JAM2: variants seen among roughly 807,000 people sequenced by gnomAD.
The protein encoded by JAM2 is junctional adhesion molecule 2.
A neutral mutation model predicts 42.0 loss-of-function variants in JAM2; 17 were observed. That is an observed-to-expected ratio of 0.40 (90% CI 0.28 to 0.61). The LOEUF is 0.61. Ranked by LOEUF, JAM2 falls within the 20% of genes least tolerant of loss-of-function variation. JAM2 has a pLI of 0.37. For synonymous variants in JAM2, 118 were observed against 128.6 expected (o/e 0.92, Z 0.56); for missense variants, 319 against 358.3 (o/e 0.89, Z 0.89).
Position 25,717,071 on chromosome 21 carries a change from A to G in JAM2, c.*2399A>G, listed in dbSNP as rs1193200577. The G allele has an allele frequency of 2.0e-5, 3 of 152,284 alleles. No homozygotes were observed. The highest frequency in any genetic ancestry group is 2.0e-4 in the Admixed American group (3 of 15,292). The allele number at this position is 152,284 out of a possible 1,614,324, so 9.4% of individuals were successfully genotyped here. On this transcript the variant is annotated 3_prime_UTR_variant, in exon 10 of 10. Transcript: ENST00000480456. ...AGAGGATTCATTTTATGCAGTGCGA[A>G]CATCTAATAACACTCTCTGTGTCAA...
intron 1 of JAM2, among the ~76,000 whole-genome samples, chr21:25,679,694 C>T (rs1384214936): frequency 1.3e-5 from 2 of 152,250 alleles, no homozygotes; most frequent in Non-Finnish European, 2.9e-5. Flanking sequence ...AGATCAGCCT[C>T]TTAGCTTCCA....
chr21:25,639,599 G>GACC lies in JAM2; in HGVS notation c.-222_-220dup. 2.0e-6 allele frequency: 1 copy of GACC among 498,610 alleles called. No homozygotes were observed. Among genetic ancestry groups the GACC allele is most frequent in the South Asian group, 2.8e-5 (1 of 35,994 alleles). The allele number at this position is 498,610 out of a possible 1,614,324, so 30.9% of individuals were successfully genotyped here. A position where few individuals can be genotyped will look rare whatever the true frequency, so the allele number is the denominator to read the frequency against. On this transcript the variant is annotated 5_prime_UTR_variant, in exon 1 of 10. Transcript: ENST00000480456. ...ACCCCCACACCCCCAAAACAGAACA[G>GACC]ACCCCCATCCCTGGGCTGGAGGACC... is the stretch of plus-strand genomic sequence containing the variant.
chr21:25,711,770 C>T (rs1342574289), intron 8 of JAM2, among the ~76,000 whole-genome samples: 2 of 152,166 alleles, frequency 1.3e-5, no homozygotes, highest in African/African-American at 4.8e-5. Context: ...GAGACATCAT[C>T]TTACGTAAGT....
intron 2 of JAM2, among the ~76,000 whole-genome samples, chr21:25,688,287 C>T (rs2033798719): frequency 1.5e-5 from 2 of 133,618 alleles, no homozygotes; most frequent in African/African-American, 2.6e-5. Context: ...TGTGTACACG[C>T]GCCCACACGC....
At chr21:25,705,844 C>T in intron 6 of JAM2, 135 bp from the exon 7 acceptor site, 2 of 602,928 alleles carry the variant, frequency 3.3e-6, no homozygotes, top group Non-Finnish European at 6.0e-6. Context: ...GTTAGTTGAA[C>T]AGGCTTCACA....
intron 1 of JAM2, among the ~76,000 whole-genome samples, chr21:25,680,496 T>A (rs1601026948): frequency 6.6e-6 from 1 of 152,204 alleles, no homozygotes; most frequent in East Asian, 1.9e-4. Flanking sequence ...AGTGGCCACA[T>A]GGAATGTGAT....
At chr21:25,712,288 C>A in intron 8 of JAM2, 52 bp from the exon 9 acceptor site, 1 of 1,209,612 alleles carries the variant, frequency 8.3e-7, no homozygotes, top group Non-Finnish European at 1.2e-6. Context: ...ATATATGTTC[C>A]AGATTGGAAG....
At chr21:25,657,823 G>A (rs1470215126) in intron 1 of JAM2, among the ~76,000 whole-genome samples, 3 of 152,138 alleles carry the variant, frequency 2.0e-5, no homozygotes, top group Admixed American at 2.0e-4. Context: ...TATGTTATAT[G>A]TAGCTAAGAA....
At chr21:25,651,792 A>G (rs1280072955) in intron 1 of JAM2, among the ~76,000 whole-genome samples, 1 of 152,250 alleles carries the variant, frequency 6.6e-6, no homozygotes, top group Admixed American at 6.5e-5. Flanking sequence ...CACTGTAGCG[A>G]TATAAAGGAA....
chr21:25,685,901 G>A (rs951727521), intron 2 of JAM2, among the ~76,000 whole-genome samples: 3 of 152,214 alleles, frequency 2.0e-5, no homozygotes, highest in Non-Finnish European at 1.5e-5. Flanking sequence ...GGTTCTTAAT[G>A]CTGGGTCCAA....
At chr21:25,702,368 G>T in intron 6 of JAM2, 99 bp downstream of exon 6, 1 of 605,574 alleles carries the variant, frequency 1.7e-6, no homozygotes. Flanking sequence ...ATGTCTGAGT[G>T]ACTTGAAGAA....
chr21:25,685,077 G>A (rs1288381903), intron 2 of JAM2, among the ~76,000 whole-genome samples: 3 of 152,048 alleles, frequency 2.0e-5, no homozygotes, highest in Non-Finnish European at 1.5e-5. Context: ...CTCATCATCA[G>A]GTATGTCTTA....
rs375282641 is a variant in JAM2, at chr21:25,695,187, G to C, written c.394+1279G>C. On this transcript the variant is annotated intron_variant, in intron 4 of 9. Coordinates refer to ENST00000480456, the MANE Select transcript of JAM2 (RefSeq NM_021219.4). The stretch of plus-strand genomic sequence containing the variant: ...ATTAGGGAGTGGTGATGACTCTTAA[G>C]GAGCATGCTGCCTTCAAGCATCTGT... Among the ~76,000 whole-genome samples the C allele has an allele frequency of 3.6e-4, 55 of 152,180 alleles. 1 individual carries two copies. The highest frequency in any genetic ancestry group is 1.2e-3 in the African/African-American group (50 of 41,538).
Position 25,639,280 on chromosome 21 carries a change from A to G in JAM2, c.-542A>G, listed in dbSNP as rs1222326624. 1.3e-5 allele frequency: 2 copies of G among 152,532 alleles called. No individual in the cohort carries two copies. Among genetic ancestry groups the G allele is most frequent in the Non-Finnish European group, 2.9e-5 (2 of 68,300 alleles). The allele number at this position is 152,532 out of a possible 1,614,324, so 9.4% of individuals were successfully genotyped here. ...GCCAGAAAGAAGTTTTGAGCCAACG[A>G]GGGGAAGAAAGGAGTTGGGGCAAAA... On this transcript the variant is annotated 5_prime_UTR_variant, in exon 1 of 10. Coordinates refer to ENST00000480456, the MANE Select transcript of JAM2 (RefSeq NM_021219.4).
intron 1 of JAM2, among the ~76,000 whole-genome samples, chr21:25,674,017 G>A (rs2033424393): frequency 2.0e-5 from 3 of 152,160 alleles, no homozygotes; most frequent in South Asian, 4.1e-4. Flanking sequence ...CATGTAAGAT[G>A]TGCCTTTTGC....
chr21:25,649,050 C>A (rs2032695679), intron 1 of JAM2, among the ~76,000 whole-genome samples: 1 of 152,186 alleles, frequency 6.6e-6, no homozygotes, highest in African/African-American at 2.4e-5. Context: ...AAAGACTGGT[C>A]TGCCTTATAG....
At chr21:25,683,415 T>C (rs1421066650) in intron 1 of JAM2, among the ~76,000 whole-genome samples, 1 of 152,152 alleles carries the variant, frequency 6.6e-6, no homozygotes, top group Non-Finnish European at 1.5e-5. Flanking sequence ...TATATATATA[T>C]ACAAATTTCA....
In JAM2 at chr21:25,693,548, T is replaced by C. The variant is rs9984260; in HGVS notation, c.242-208T>C. ...CTGGGATTACAGGCGTGAGCCATCATGCCTGGCCTTTTGAACATTTTAAAA... is the reference window on the plus strand; with the variant it reads ...CTGGGATTACAGGCGTGAGCCATCACGCCTGGCCTTTTGAACATTTTAAAA... On this transcript the variant is annotated intron_variant, in intron 3 of 9. Transcript: ENST00000480456. Among the ~76,000 whole-genome samples the C allele has an allele frequency of 0.51, 77,836 of 152,106 alleles. 20,401 individuals carry two copies. The highest frequency in any genetic ancestry group is 0.67 in the South Asian group (3,226 of 4,824).
At chr21:25,641,470 C>T (rs969503871) in intron 1 of JAM2, among the ~76,000 whole-genome samples, 27 of 152,264 alleles carry the variant, frequency 1.8e-4, no homozygotes, top group African/African-American at 6.3e-4. Context: ...AAATATAACA[C>T]ATTGTCTCTG....
Sources: gnomAD v4.1 joint callset for allele counts (sites outside exome capture counted in the v4.1 genomes callset) on GRCh38, gnomAD v4.1.1 for gene constraint, MANE v1.5 for transcripts, NCBI Gene and HGNC (gene_info 2026-07-23, HGNC 2026-07-21) for gene names.